The following TXNDC17 variants were observed in gnomAD, a reference collection of about 807,000 sequenced individuals.
TXNDC17 encodes the protein thioredoxin domain-containing protein 17.
In TXNDC17, 12 loss-of-function variants were observed where a neutral mutation model predicts 16.3. The ratio of observed to expected loss-of-function variants is 0.74; its 90% CI spans 0.47 to 1.19. The LOEUF (loss-of-function observed/expected upper bound fraction) is 1.19. Among genes scored for constraint, TXNDC17 ranks in the 50% most tolerant of loss-of-function variants. The probability of loss-of-function intolerance (pLI) is 0.00; values close to 1 mark genes in which losing one functional copy is unlikely to be tolerated. For missense variants in TXNDC17, 158 were observed against 149.7 expected, an observed-to-expected ratio of 1.06 and a Z score of -0.29; for synonymous variants, 62 against 55.0, an observed-to-expected ratio of 1.13 and a Z score of -0.56.
At chr17:6,641,483 C>T (rs1468193488) in intron 1 of TXNDC17, 8 of 636,992 alleles carry the variant, frequency 1.3e-5, no homozygotes. Flanking sequence ...TAGTGTCTTA[C>T]AGGATACGTG....
At position 6,641,236 on chromosome 17, in the gene TXNDC17, G is replaced by A; in HGVS notation, c.145+9G>A. The A allele has an allele frequency of 6.2e-7, 1 of 1,613,092 alleles. No individual in the cohort carries two copies. The highest frequency in any genetic ancestry group is 8.5e-7 in the Non-Finnish European group (1 of 1,179,832). On this transcript the variant is annotated intron_variant, in intron 1 of 3. Coordinates refer to ENST00000250101, the MANE Select transcript of TXNDC17 (RefSeq NM_032731.4). Reference sequence around the variant, plus strand: ...CCCCGACTGCGTGCAGGGTGAGGCCGGGATTCGGGGGCTGCTGTCCAATGG... The same window carrying A: ...CCCCGACTGCGTGCAGGGTGAGGCCAGGATTCGGGGGCTGCTGTCCAATGG...
At chr17:6,642,006 G>C in intron 2 of TXNDC17, 172 bp downstream of exon 2, 3 of 707,070 alleles carry the variant, frequency 4.2e-6, no homozygotes, top group Non-Finnish European at 7.2e-6. Context: ...TTAAGTAAGG[G>C]TAATTCAACG....
rs1597631390 is a variant in TXNDC17, at chr17:6,644,208, T to C, written c.*1189T>C. The C allele has an allele frequency of 2.0e-6, 1 of 488,086 alleles. No individual in the cohort carries two copies. The allele number at this position is 488,086 out of a possible 1,614,324, so 30.2% of individuals were successfully genotyped here. A position where few individuals can be genotyped will look rare whatever the true frequency, so the allele number is the denominator to read the frequency against. On this transcript the variant is annotated 3_prime_UTR_variant, in exon 4 of 4. Transcript: ENST00000250101. The stretch of plus-strand genomic sequence containing the variant: ...TTATTTGGTCTAAAGCACCTAACTT[T>C]TCCATTCTTAATCAGCTGATTATGC...
chr17:6,641,423 G>T, intron 1 of TXNDC17, 196 bp downstream of exon 1: 4 of 764,340 alleles, frequency 5.2e-6, no homozygotes, highest in Non-Finnish European at 8.2e-6. Context: ...ACCTTACCCG[G>T]ATGATCTTGG....
rs561884689 is a variant in TXNDC17, at chr17:6,641,590, C to T, written c.146-163C>T. 33 of 736,822 alleles carry T rather than the reference C, an allele frequency of 4.5e-5. 1 individual carries two copies. In the South Asian group the frequency reaches 5.5e-4, roughly 12 times the overall value. 45.6% of individuals were successfully genotyped at this position (736,822 alleles called of 1,614,324 possible). A position where few individuals can be genotyped will look rare whatever the true frequency, so the allele number is the denominator to read the frequency against. ...TTTGGTCCTTACCCTTAACGTGGCT[C>T]TAAGACCAGAAGGGAACACCTGACT... is the stretch of plus-strand genomic sequence containing the variant. On this transcript the variant is annotated intron_variant, in intron 1 of 3. Coordinates refer to ENST00000250101, the MANE Select transcript of TXNDC17 (RefSeq NM_032731.4).
In TXNDC17 at chr17:6,644,086, G is replaced by T. The variant is rs570651782; in HGVS notation, c.*1067G>T. 1.5e-5 allele frequency: 6 copies of T among 409,926 alleles called. No homozygotes were observed. Among genetic ancestry groups the T allele is most frequent in the Non-Finnish European group, 2.2e-5 (5 of 232,396 alleles). 25.4% of individuals were successfully genotyped at this position (409,926 alleles called of 1,614,324 possible). A position where few individuals can be genotyped will look rare whatever the true frequency, so the allele number is the denominator to read the frequency against. ...AGAGTAGTTGATCTGAGACAGTAAGGTTCCAGGAGATGGTCTTGCCCTACT... is the reference window on the plus strand; with the variant it reads ...AGAGTAGTTGATCTGAGACAGTAAGTTTCCAGGAGATGGTCTTGCCCTACT... On this transcript the variant is annotated 3_prime_UTR_variant, in exon 4 of 4. Coordinates refer to ENST00000250101, the MANE Select transcript of TXNDC17 (RefSeq NM_032731.4).
Position 6,643,788 on chromosome 17 carries a change from A to C in TXNDC17, c.*769A>C, listed in dbSNP as rs1445497432. On this transcript the variant is annotated 3_prime_UTR_variant, in exon 4 of 4. Coordinates refer to ENST00000250101, the MANE Select transcript of TXNDC17 (RefSeq NM_032731.4). ...CTGGTTTGTGGTACCTCCCAAATCAATGGTAGCTTTCCCAAATGAACACAA... is the reference window on the plus strand; with the variant it reads ...CTGGTTTGTGGTACCTCCCAAATCACTGGTAGCTTTCCCAAATGAACACAA... The C allele has an allele frequency of 4.0e-6, 1 of 248,682 alleles. No homozygotes were observed. The highest frequency in any genetic ancestry group is 7.6e-6 in the Non-Finnish European group (1 of 131,108). The allele number at this position is 248,682 out of a possible 1,614,324, so 15.4% of individuals were successfully genotyped here.
At chr17:6,641,860 C>T in intron 2 of TXNDC17, 26 bp downstream of exon 2, 3 of 1,604,194 alleles carry the variant, frequency 1.9e-6, no homozygotes, top group South Asian at 2.2e-5. Context: ...TAATCTACCT[C>T]GCAGACGTGC....
chr17:6,643,314 C>A lies in TXNDC17; in HGVS notation c.*295C>A. ...GGTGCAGAGCACACCTTCCAAATCT[C>A]TCAAAAGATCAGTATCTTTTATTTT... On this transcript the variant is annotated 3_prime_UTR_variant, in exon 4 of 4. Coordinates refer to ENST00000250101, the MANE Select transcript of TXNDC17 (RefSeq NM_032731.4). The A allele has an allele frequency of 4.0e-6, 1 of 251,122 alleles. No homozygotes were observed. Among genetic ancestry groups the A allele is most frequent in the Non-Finnish European group, 7.6e-6 (1 of 130,882 alleles). The allele number at this position is 251,122 out of a possible 1,614,324, so 15.6% of individuals were successfully genotyped here.
In TXNDC17 at chr17:6,643,180, C is replaced by T; in HGVS notation, c.*161C>T. ...AAAATGCCCATGAACCTTTAGTTTG[C>T]CTGTAATACATGGATATTTTTAAGA... On this transcript the variant is annotated 3_prime_UTR_variant, in exon 4 of 4. Transcript: ENST00000250101. 1 of 576,514 alleles carries T rather than the reference C, an allele frequency of 1.7e-6. No homozygotes were observed. Among genetic ancestry groups the T allele is most frequent in the East Asian group, 2.9e-5 (1 of 33,954 alleles). The allele number at this position is 576,514 out of a possible 1,614,324, so 35.7% of individuals were successfully genotyped here.
Sources: allele counts gnomAD v4.1 joint callset, GRCh38; gene constraint gnomAD v4.1.1; transcripts MANE v1.5; gene names NCBI Gene and HGNC (gene_info 2026-07-23, HGNC 2026-07-21).